Variants in ADGRG4 observed in about 807,000 individuals in gnomAD.
ADGRG4 encodes adhesion G protein-coupled receptor G4.
ADGRG4 carries 122 observed loss-of-function variants against 126.2 expected under a neutral mutation model. The ratio of observed to expected loss-of-function variants is 0.97; its 90% CI spans 0.83 to 1.12. The LOEUF is 1.12. Among genes scored for constraint, ADGRG4 ranks in the 50% most tolerant of loss-of-function variants. The pLI is 0.00. For missense variants in ADGRG4, 2,481 were observed against 2,251.8 expected (o/e 1.10, Z -2.06); for synonymous variants, 943 against 838.7 (o/e 1.12, Z -2.15).
chrX:136,407,833 T>TG (rs1246238631), intron 23 of ADGRG4, among the ~76,000 whole-genome samples: 3 of 111,992 alleles, frequency 2.7e-5, no homozygotes, highest in Non-Finnish European at 5.6e-5. Flanking sequence ...ACTGAGGCCC[T>TG]GGTGATGGTT....
chrX:136,346,134 C>G lies in ADGRG4; in HGVS notation c.2428C>G (p.Gln810Glu). ...STEESASETTQTEINGAIVFG... is the reference protein window; with the variant it reads ...STEESASETTETEINGAIVFG... ...TGAGGAAAGTGCTTCTGAGACCACA[C>G]AAACAGAAATAAATGGTGCAATTGT... The change falls in exon 6 of 26, where the codon CAA becomes GAA. Residue 810 changes from glutamine to glutamate, a missense_variant. By Grantham distance (29) the Gln-to-Glu change is conservative (BLOSUM62 2). Transcript: ENST00000394143. The G allele has an allele frequency of 1.7e-6, 2 of 1,209,353 alleles. No individual in the cohort carries two copies. The highest frequency in any genetic ancestry group is 2.2e-6 in the Non-Finnish European group (2 of 893,873).
chrX:136,369,243 G>C (rs941982279), intron 13 of ADGRG4, among the ~76,000 whole-genome samples: 12 of 112,462 alleles, frequency 1.1e-4, no homozygotes, highest in Non-Finnish European at 1.5e-4. Flanking sequence ...TGCAGCAATA[G>C]ATAACCTGGA....
intron 5 of ADGRG4, among the ~76,000 whole-genome samples, chrX:136,343,548 C>G (rs559502056): frequency 9.9e-5 from 11 of 111,089 alleles, no homozygotes; most frequent in African/African-American, 3.6e-4. Context: ...TAGGATGAGT[C>G]TAAAAATGAG....
At chrX:136,336,166 C>A (rs1461034538) in intron 5 of ADGRG4, among the ~76,000 whole-genome samples, 1 of 111,351 alleles carries the variant, frequency 9.0e-6, no homozygotes, top group Non-Finnish European at 1.9e-5. Flanking sequence ...TAGAACTTTT[C>A]TATGGTCTTT....
At chrX:136,361,406 C>CT (rs1279128527) in intron 11 of ADGRG4, 49 bp from the exon 12 acceptor site, 1 of 877,587 alleles carries the variant, frequency 1.1e-6, no homozygotes, top group Non-Finnish European at 1.5e-6. Context: ...GTTTGTAATA[C>CT]TTTTAAGTGC....
intron 23 of ADGRG4, 47 bp from the exon 24 acceptor site, chrX:136,412,218 G>A (rs1214788514): frequency 1.8e-5 from 15 of 846,278 alleles, no homozygotes; most frequent in Non-Finnish European, 2.5e-5. Context: ...ATTGGTGACA[G>A]CTGGTGAAAG....
chrX:136,324,774 C>A (rs2148452254), intron 5 of ADGRG4, among the ~76,000 whole-genome samples: 1 of 112,119 alleles, frequency 8.9e-6, no homozygotes, highest in African/African-American at 3.2e-5. Context: ...TCTGGCACAA[C>A]AAGATGTTCC....
intron 23 of ADGRG4, among the ~76,000 whole-genome samples, chrX:136,406,187 T>C (rs1216357527): frequency 8.9e-6 from 1 of 112,479 alleles, no homozygotes; most frequent in Non-Finnish European, 1.9e-5. Context: ...CAAACACTGA[T>C]TGGCAATACT....
At chrX:136,367,364 A>G (rs770116525) in intron 13 of ADGRG4, among the ~76,000 whole-genome samples, 1 of 112,537 alleles carries the variant, frequency 8.9e-6, no homozygotes, top group Non-Finnish European at 1.9e-5. Flanking sequence ...GGCAATAGGA[A>G]ATGTTACAGC....
intron 15 of ADGRG4, among the ~76,000 whole-genome samples, chrX:136,380,660 C>T (rs1182946341): frequency 2.1e-5 from 1 of 48,663 alleles, no homozygotes; most frequent in South Asian, 8.5e-4. Context: ...TCCTCCTCCT[C>T]CTCCTCCTCT....
At chrX:136,332,900 A>G (rs1603293137) in intron 5 of ADGRG4, among the ~76,000 whole-genome samples, 1 of 110,140 alleles carries the variant, frequency 9.1e-6, no homozygotes, top group Non-Finnish European at 1.9e-5. Flanking sequence ...TAGATTCTGG[A>G]TATTAGCCCT....
chrX:136,409,217 T>C (rs1368823755), intron 23 of ADGRG4, among the ~76,000 whole-genome samples: 1 of 112,022 alleles, frequency 8.9e-6, no homozygotes, highest in African/African-American at 3.2e-5. Flanking sequence ...GAAAAAATTA[T>C]GCTCATGATG....
chrX:136,371,838 A>G (rs1044451312), intron 14 of ADGRG4, among the ~76,000 whole-genome samples: 2 of 111,507 alleles, frequency 1.8e-5, no homozygotes, highest in South Asian at 7.5e-4. Flanking sequence ...ATACGACCCT[A>G]TTTTATATCA....
chrX:136,335,586 G>A (rs1169614008), intron 5 of ADGRG4, among the ~76,000 whole-genome samples: 1 of 111,320 alleles, frequency 9.0e-6, no homozygotes, highest in Non-Finnish European at 1.9e-5. Context: ...TCTTGATGGA[G>A]CTTTGGTAAA....
chrX:136,413,960 T>C (rs1278090392), intron 24 of ADGRG4, among the ~76,000 whole-genome samples, 200 bp from the exon 25 acceptor site: 2 of 110,735 alleles, frequency 1.8e-5, no homozygotes, highest in African/African-American at 6.6e-5. Flanking sequence ...AGGCTGGTCT[T>C]GAACTCCCGA....
At chrX:136,409,539 C>A (rs751019324) in intron 23 of ADGRG4, among the ~76,000 whole-genome samples, 1 of 111,853 alleles carries the variant, frequency 8.9e-6, no homozygotes, top group East Asian at 2.8e-4. Context: ...TTGCTCTCCT[C>A]GGGGTGCTGC....
intron 19 of ADGRG4, among the ~76,000 whole-genome samples, chrX:136,396,405 T>TA (rs2075347976): frequency 3.9e-5 from 4 of 101,711 alleles, no homozygotes; most frequent in African/African-American, 1.4e-4. Flanking sequence ...ATATATATAT[T>TA]TTTTTTTTGA....
At position 136,347,644 on chromosome X, in the gene ADGRG4, A is replaced by G. The variant is rs777683726; in HGVS notation, c.3938A>G (p.His1313Arg). ...ETTKISSHQT[H>R]SPSEIPLGTP... is the part of the protein sequence containing the mutation. ...ACAAAAATTTCCAGTCACCAAACAC[A>G]TTCGCCTTCAGAGATTCCACTTGGG... Residue 1313 changes from histidine to arginine, a missense_variant, in exon 6 of 26, where the codon CAT becomes CGT. Physicochemically the swap from His to Arg is conservative, Grantham distance 29. Coordinates refer to ENST00000394143, the MANE Select transcript of ADGRG4 (RefSeq NM_153834.4). The G allele has an allele frequency of 4.3e-5, 52 of 1,208,304 alleles. No homozygotes were observed. The highest frequency in any genetic ancestry group is 5.0e-5 in the Non-Finnish European group (45 of 894,232).
Position 136,348,687 on chromosome X carries a change from A to G in ADGRG4, c.4981A>G (p.Thr1661Ala). The stretch of plus-strand genomic sequence containing the variant: ...TTTGCCCTTTGTAAAAACCGTTCCC[A>G]CCACCATTATGGCTGGGATAGTGAC... The part of the protein sequence containing the change: ...PTLPFVKTVP[T>A]TIMAGIVTPF... Residue 1661 changes from threonine (T) to alanine (A), a missense_variant, in exon 6 of 26, where the codon ACC becomes GCC. Physicochemically the swap from Thr to Ala is moderately conservative, Grantham distance 58. Transcript: ENST00000394143. The G allele has an allele frequency of 8.3e-7, 1 of 1,210,084 alleles. No homozygotes were observed. The highest frequency in any genetic ancestry group is 1.8e-5 in the South Asian group (1 of 56,887).
Sources: allele counts gnomAD v4.1 joint callset (sites outside exome capture counted in the v4.1 genomes callset), GRCh38; gene constraint gnomAD v4.1.1; transcripts MANE v1.5; gene names NCBI Gene and HGNC (gene_info 2026-07-23, HGNC 2026-07-21).